TTI1: variants seen among roughly 807,000 people sequenced by gnomAD.
The protein encoded by TTI1 is TELO2-interacting protein 1 homolog.
In TTI1, 52 loss-of-function variants were observed where a neutral mutation model predicts 85.4. The observed-to-expected ratio is 0.61, with a 90% CI of 0.49 to 0.77. The LOEUF (loss-of-function observed/expected upper bound fraction) is 0.77. Among genes scored for constraint, TTI1 ranks in the 30% least tolerant of loss-of-function variants. The pLI, the probability that TTI1 is intolerant of heterozygous loss-of-function variation, is 0.00. For synonymous variants in TTI1, 512 were observed against 503.9 expected (o/e 1.02, Z -0.22); for missense variants, 1,173 against 1,296.0 (o/e 0.91, Z 1.46).
At chr20:38,006,745 A>T (rs1282466192) in intron 2 of TTI1, among the ~76,000 whole-genome samples, 1 of 152,234 alleles carries the variant, frequency 6.6e-6, no homozygotes, top group Non-Finnish European at 1.5e-5. Context: ...GGTCACTTAC[A>T]TGATGTCTTA....
chr20:38,013,922 T>C, intron 1 of TTI1, 65 bp from the exon 2 acceptor site: 2 of 1,480,912 alleles, frequency 1.4e-6, no homozygotes, highest in Non-Finnish European at 1.8e-6. Context: ...GAACTTGCAT[T>C]CATTCATTCA....
At chr20:37,985,471 T>G (rs953601567) in intron 7 of TTI1, among the ~76,000 whole-genome samples, 35 of 151,924 alleles carry the variant, frequency 2.3e-4, no homozygotes, top group African/African-American at 8.4e-4. Flanking sequence ...GTAGTGGACA[T>G]ACACTAAGGA....
rs185976589 is a variant in TTI1 at position 38,010,712 on chromosome 20, T to C, written c.2302+803A>G. On this transcript the variant is annotated intron_variant, in intron 2 of 7. Transcript: ENST00000373447. Reference sequence around the variant, plus strand: ...AGGATGGTCTCGATCTCCTGACCTCTTGATCCGCCTGCCTTGGCCTCCCAA... The same window carrying C: ...AGGATGGTCTCGATCTCCTGACCTCCTGATCCGCCTGCCTTGGCCTCCCAA... Among the ~76,000 whole-genome samples the C allele has an allele frequency of 6.9e-3, 1,048 of 152,024 alleles. 5 individuals carry two copies. Among genetic ancestry groups the C allele is most frequent in the African/African-American group, 0.02 (832 of 41,478 alleles).
intron 2 of TTI1, 129 bp downstream of exon 2, chr20:38,011,378 CCTATGGGA>C: frequency 1.1e-6 from 1 of 936,674 alleles, no homozygotes; most frequent in East Asian, 2.6e-5. Context: ...CCCCCCATAA[CCTATGGGA>C]CTGGAGAGAA....
rs960053980 is a variant in TTI1 at position 38,004,952 on chromosome 20, T to C, written c.2503+1245A>G. Among the ~76,000 whole-genome samples, 30 of 152,194 alleles carry C rather than the reference T, an allele frequency of 2.0e-4. 1 individual carries two copies. Among genetic ancestry groups the C allele is most frequent in the East Asian group, 1.9e-4 (1 of 5,198 alleles). On this transcript the variant is annotated intron_variant, in intron 3 of 7. Transcript: ENST00000373447. Reference sequence around the variant, plus strand: ...ACAAATCTGAGAAGAAAAAGCCTGATAGATTTCTGATCAGAAAACTCTGTC... The same window carrying C: ...ACAAATCTGAGAAGAAAAAGCCTGACAGATTTCTGATCAGAAAACTCTGTC...
At chr20:37,999,812 A>C (rs1468113399) in intron 4 of TTI1, among the ~76,000 whole-genome samples, 1 of 152,234 alleles carries the variant, frequency 6.6e-6, no homozygotes, top group Non-Finnish European at 1.5e-5. Context: ...GGCAGCGTGG[A>C]GCATTACAGA....
chr20:38,009,253 A>AG (rs2073545906), intron 2 of TTI1, among the ~76,000 whole-genome samples: 1 of 152,182 alleles, frequency 6.6e-6, no homozygotes, highest in Non-Finnish European at 1.5e-5. Context: ...CAGTCCTATG[A>AG]GGGGCTCCAC....
Position 38,013,211 on chromosome 20 carries a change from C to T in TTI1, c.606G>A (p.Leu202=), listed in dbSNP as rs1231479394. The change falls in exon 2 of 8, where the codon CTG becomes CTA. Residue 202 remains leucine (L), a synonymous_variant. Coordinates refer to ENST00000373447, the MANE Select transcript of TTI1 (RefSeq NM_001303457.2). ...RSLDELEQKQ[L]GDLFASFLPG... is the part of the protein sequence containing the mutation. ...GTAAAAAAGAGGCAAACAAATCCCC[C>T]AGCTGCTTTTGTTCAAGTTCATCCA... 6.2e-7 allele frequency: 1 copy of T among 1,614,118 alleles called. No individual in the cohort carries two copies. The highest frequency in any genetic ancestry group is 1.7e-5 in the Admixed American group (1 of 60,032).
At chr20:38,007,317 G>A (rs554265676) in intron 2 of TTI1, among the ~76,000 whole-genome samples, 6 of 152,034 alleles carry the variant, frequency 3.9e-5, no homozygotes, top group African/African-American at 7.3e-5. Flanking sequence ...TTCCCTATTC[G>A]GTGGTGCTCA....
At chr20:38,005,069 G>A (rs1428582820) in intron 3 of TTI1, among the ~76,000 whole-genome samples, 1 of 152,088 alleles carries the variant, frequency 6.6e-6, no homozygotes, top group Non-Finnish European at 1.5e-5. Context: ...GTTGTAGTGA[G>A]TGGCATCAAG....
chr20:37,983,490 G>A lies in TTI1; in HGVS notation c.3236C>T (p.Thr1079Ile), dbSNP rs1406719259. ...GASGQQNPYT[T>I]NVLQLLKELQ The stretch of plus-strand genomic sequence containing the variant: ...CTCCTTGAGCAGCTGGAGCACGTTG[G>A]TCGTGTAGGGGTTCTGCTGCCCGCT... The change falls in exon 8 of 8, where the codon ACC (threonine) becomes ATC (isoleucine). Residue 1079 changes from threonine to isoleucine, a missense_variant. Thr to Ile is a moderately conservative substitution (Grantham distance 89). Transcript: ENST00000373447. The A allele has an allele frequency of 2.5e-6, 4 of 1,611,686 alleles. No homozygotes were observed. The highest frequency in any genetic ancestry group is 2.2e-5 in the South Asian group (2 of 91,044).
chr20:37,994,033 G>A (rs970900154), intron 7 of TTI1, among the ~76,000 whole-genome samples: 3 of 152,314 alleles, frequency 2.0e-5, no homozygotes, highest in Middle Eastern at 3.4e-3. Flanking sequence ...TTTGGTCATG[G>A]ATGTAGGGTG....
At chr20:38,002,110 G>A (rs988699186) in intron 4 of TTI1, among the ~76,000 whole-genome samples, 5 of 151,946 alleles carry the variant, frequency 3.3e-5, no homozygotes, top group African/African-American at 9.7e-5. Context: ...TAAAAGCCCT[G>A]CCCCCCACTT....
Position 38,011,917 on chromosome 20 carries a change from T to C in TTI1, c.1900A>G (p.Ile634Val), listed in dbSNP as rs766967890. ...CCTAGTGCATATGCAAACTGGCCAA[T>C]TCCTTCCAACTGAATGCATATTTGC... ...IWQICIQLEG[I>V]GQFAYALGKD... The change falls in exon 2 of 8, where the codon ATT (isoleucine) becomes GTT (valine). Residue 634 changes from isoleucine to valine, a missense_variant. By Grantham distance (29) the Ile-to-Val change is conservative. Transcript: ENST00000373447. The C allele has an allele frequency of 4.3e-6, 7 of 1,614,064 alleles. No individual in the cohort carries two copies. The highest frequency in any genetic ancestry group is 1.3e-5 in the African/African-American group (1 of 74,926).
At position 38,011,978 on chromosome 20, in the gene TTI1, T is replaced by C. The variant is rs1278543830; in HGVS notation, c.1839A>G (p.Pro613=). 3.1e-6 allele frequency: 5 copies of C among 1,614,124 alleles called. No individual in the cohort carries two copies. Among genetic ancestry groups the C allele is most frequent in the Non-Finnish European group, 4.2e-6 (5 of 1,180,048 alleles). ...QVTSFLAFSK[P]SPTICSMNSN... ...TGTTCATGGAGCAAATAGTGGGACTTGGCTTTGAGAAGGCTAGAAAAGATG... is the reference window on the plus strand; with the variant it reads ...TGTTCATGGAGCAAATAGTGGGACTCGGCTTTGAGAAGGCTAGAAAAGATG... The change falls in exon 2 of 8, where the codon CCA becomes CCG. Residue 613 remains proline (P), a synonymous_variant. Coordinates refer to ENST00000373447, the MANE Select transcript of TTI1 (RefSeq NM_001303457.2).
At chr20:38,004,652 T>A (rs2073472290) in intron 3 of TTI1, among the ~76,000 whole-genome samples, 1 of 152,244 alleles carries the variant, frequency 6.6e-6, no homozygotes, top group African/African-American at 2.4e-5. Context: ...GGGGAATTTG[T>A]TGTTTGAAAT....
intron 3 of TTI1, among the ~76,000 whole-genome samples, chr20:38,005,334 C>T (rs1267559035): frequency 2.0e-5 from 3 of 152,120 alleles, no homozygotes; most frequent in Non-Finnish European, 4.4e-5. Context: ...CCTTCCGTGA[C>T]CTGAAGCTCC....
intron 2 of TTI1, among the ~76,000 whole-genome samples, chr20:38,008,925 G>T (rs1250111280): frequency 1.3e-5 from 2 of 151,796 alleles, no homozygotes; most frequent in Non-Finnish European, 2.9e-5. Flanking sequence ...CCCAGAGTCA[G>T]TCTTAACCAT....
rs1423259232 is a variant in TTI1 at position 37,996,968 on chromosome 20, T to A, written c.2794-15A>T. The stretch of plus-strand genomic sequence containing the variant: ...GTACGTAAAACCTGCAGAAACAGCC[T>A]CCAACCTGGTGAGTGAACATTGCCA... On this transcript the variant is annotated splice_polypyrimidine_tract_variant and intron_variant, in intron 5 of 7. Coordinates refer to ENST00000373447, the MANE Select transcript of TTI1 (RefSeq NM_001303457.2). 1.9e-6 allele frequency: 3 copies of A among 1,610,676 alleles called. No homozygotes were observed. Among genetic ancestry groups the A allele is most frequent in the Admixed American group, 1.7e-5 (1 of 59,920 alleles).
Sources: gnomAD v4.1 joint callset for allele counts (sites outside exome capture counted in the v4.1 genomes callset) on GRCh38, gnomAD v4.1.1 for gene constraint, MANE v1.5 for transcripts, NCBI Gene and HGNC (gene_info 2026-07-23, HGNC 2026-07-21) for gene names.